Variants in IQGAP2 observed in about 807,000 individuals in gnomAD.
IQGAP2 encodes the protein IQ motif containing GTPase activating protein 2, also known as ras GTPase-activating-like protein IQGAP2.
IQGAP2 carries 173 observed loss-of-function variants against 201.3 expected under a neutral mutation model. That is an observed-to-expected ratio of 0.86 (90% confidence interval 0.76 to 0.98). The LOEUF (loss-of-function observed/expected upper bound fraction) is 0.98. IQGAP2 is among the 50% of genes least tolerant of loss of function. IQGAP2 has a pLI of 0.00. For missense variants in IQGAP2, 1,687 were observed against 1,864.8 expected, an observed-to-expected ratio of 0.90 and a Z score of 1.76; for synonymous variants, 675 against 673.9, an observed-to-expected ratio of 1.00 and a Z score of -0.03.
intron 23 of IQGAP2, 52 bp downstream of exon 23, chr5:76,668,896 A>G (rs774536436): frequency 8.6e-7 from 1 of 1,159,790 alleles, no homozygotes; most frequent in South Asian, 1.6e-5. Flanking sequence ...TCCTTTTGTT[A>G]GTGGTGGCTG....
At chr5:76,440,354 T>C (rs1469866650) in intron 1 of IQGAP2, among the ~76,000 whole-genome samples, 4 of 152,098 alleles carry the variant, frequency 2.6e-5, no homozygotes, top group African/African-American at 9.7e-5. Context: ...GTGAGATCCT[T>C]TCTCTTTTTA....
intron 10 of IQGAP2, among the ~76,000 whole-genome samples, chr5:76,600,411 A>C (rs1158072447): frequency 1.3e-5 from 2 of 152,162 alleles, no homozygotes; most frequent in Non-Finnish European, 2.9e-5. Context: ...CTTAACCCTT[A>C]ATTCAAACTG....
chr5:76,674,778 C>A, intron 27 of IQGAP2, 69 bp downstream of exon 27: 2 of 1,171,922 alleles, frequency 1.7e-6, no homozygotes, highest in Non-Finnish European at 2.5e-6. Context: ...TGCTCTGTGC[C>A]CAGAGCTAGA....
intron 3 of IQGAP2, among the ~76,000 whole-genome samples, chr5:76,568,754 G>A (rs1744913504): frequency 6.6e-6 from 1 of 152,208 alleles, no homozygotes; most frequent in African/African-American, 2.4e-5. Flanking sequence ...TCATCAGAAA[G>A]TGGGATCAAT....
chr5:76,490,117 C>G lies in IQGAP2; in HGVS notation c.146+28448C>G, dbSNP rs74368525. The stretch of plus-strand genomic sequence containing the variant: ...TGCTTTTCATTGAAATGTAAATTGC[C>G]TTATACCCGTTTTCATTCTTGCGGA... On this transcript the variant is annotated intron_variant, in intron 2 of 35. Coordinates refer to ENST00000274364, the MANE Select transcript of IQGAP2 (RefSeq NM_006633.5). Among the ~76,000 whole-genome samples, 627 of 152,292 alleles carry G rather than the reference C, an allele frequency of 4.1e-3. 9 individuals carry two copies. The East Asian group carries it at 0.051, about 12-fold the overall frequency.
intron 1 of IQGAP2, among the ~76,000 whole-genome samples, chr5:76,432,128 C>CTTTTTTTTTTTTTTTTTTTTTTTTTT (rs70982606): frequency 1.0e-5 from 1 of 95,300 alleles, no homozygotes; most frequent in Non-Finnish European, 2.0e-5. Context: ...TTTCTTTCTT[C>CTTTTTTTTTTTTTTTTTTTTTTTTTT]TTTTTTTTTT....
At chr5:76,410,308 T>C (rs889655447) in intron 1 of IQGAP2, among the ~76,000 whole-genome samples, 4 of 152,324 alleles carry the variant, frequency 2.6e-5, no homozygotes, top group Non-Finnish European at 5.9e-5. Context: ...TGGAATCTTC[T>C]ATTTATATAG....
chr5:76,683,778 G>T lies in IQGAP2; in HGVS notation c.3766G>T (p.Glu1256Ter). ...EVPTVESFLGEGAVDPNDPNK... is the reference protein window; with the variant it reads ...EVPTVESFLG ...AACACTAGGTTTTTTCCCTACAGGG[G>T]AAGGAGCAGTTGACCCCAATGACCC... Residue 1256 changes from glutamate to a stop codon, truncating the protein, a stop_gained and splice_region_variant, in exon 30 of 36, where the codon GAA (glutamate) becomes TAA (stop). Coordinates refer to ENST00000274364, the MANE Select transcript of IQGAP2 (RefSeq NM_006633.5). LOFTEE classifies it high-confidence loss of function. The T allele has an allele frequency of 6.2e-7, 1 of 1,609,134 alleles. No individual in the cohort carries two copies. The highest frequency in any genetic ancestry group is 8.5e-7 in the Non-Finnish European group (1 of 1,177,694).
chr5:76,656,424 G>A (rs1167782300), intron 20 of IQGAP2, among the ~76,000 whole-genome samples: 6 of 151,744 alleles, frequency 4.0e-5, no homozygotes, highest in Non-Finnish European at 8.8e-5. Context: ...CTTGTGGTCC[G>A]CCCGCCTCGG....
intron 7 of IQGAP2, 146 bp from the exon 8 acceptor site, chr5:76,590,262 T>C (rs1373740940): frequency 4.6e-6 from 3 of 646,064 alleles, no homozygotes; most frequent in Middle Eastern, 4.4e-4. Context: ...AGGTGCTCCA[T>C]AATATGTCTC....
chr5:76,560,758 T>G (rs1199717840), intron 2 of IQGAP2, among the ~76,000 whole-genome samples: 5 of 152,208 alleles, frequency 3.3e-5, no homozygotes, highest in African/African-American at 9.6e-5. Context: ...TTTAATGCTC[T>G]TTGAAGGCAA....
chr5:76,579,663 A>AT (rs902401808), intron 5 of IQGAP2, among the ~76,000 whole-genome samples: 62 of 150,326 alleles, frequency 4.1e-4, no homozygotes, highest in African/African-American at 8.5e-4. Flanking sequence ...CCTTTTAAAT[A>AT]TTTTTTTTTT....
At chr5:76,694,239 C>T (rs532937167) in intron 31 of IQGAP2, among the ~76,000 whole-genome samples, 1 of 151,896 alleles carries the variant, frequency 6.6e-6, no homozygotes, top group East Asian at 1.9e-4. Context: ...TCAACACCAG[C>T]CTGGACAACA....
At chr5:76,580,141 T>C (rs986274888) in intron 5 of IQGAP2, among the ~76,000 whole-genome samples, 1 of 152,030 alleles carries the variant, frequency 6.6e-6, no homozygotes, top group Non-Finnish European at 1.5e-5. Context: ...CCAGGTGTGG[T>C]GGCAGGTGCC....
intron 13 of IQGAP2, chr5:76,617,687 A>G: frequency 6.2e-7 from 1 of 1,614,078 alleles, no homozygotes. Context: ...AAGCTATGAG[A>G]TATATAAAAT....
At chr5:76,674,378 G>C in intron 26 of IQGAP2, 99 bp from the exon 27 acceptor site, 1 of 675,186 alleles carries the variant, frequency 1.5e-6, no homozygotes, top group Non-Finnish European at 2.5e-6. Flanking sequence ...CTTTCTCTTG[G>C]GAAATGTAGG....
rs749943435 is a variant in IQGAP2, at chr5:76,575,727, G to A, written c.416G>A (p.Arg139Gln). 99 of 1,592,610 alleles carry A rather than the reference G, an allele frequency of 6.2e-5. 1 individual carries two copies. The highest frequency in any genetic ancestry group is 1.7e-4 in the Middle Eastern group (1 of 6,014). The change falls in exon 5 of 36, where the codon CGG (arginine) becomes CAG (glutamine). Residue 139 changes from arginine (R) to glutamine (Q), a missense_variant. Physicochemically the swap from Arg to Gln is conservative, Grantham distance 43. Coordinates refer to ENST00000274364, the MANE Select transcript of IQGAP2 (RefSeq NM_006633.5). ...CCAGAAACAACAGATGTCTATGATC[G>A]GAAAAACATACCAAGAATGATATAT... ...FYPETTDVYDRKNIPRMIYCI... is the reference protein window; with the variant it reads ...FYPETTDVYDQKNIPRMIYCI...
In IQGAP2 at chr5:76,438,033, TTG is replaced by T. The variant is rs1234435800; in HGVS notation, c.47-23535_47-23534del. Among the ~76,000 whole-genome samples the T allele has an allele frequency of 4.0e-3, 141 of 35,132 alleles. 2 individuals carry two copies. Among genetic ancestry groups the T allele is most frequent in the Non-Finnish European group, 7.6e-3 (111 of 14,588 alleles). 23.0% of individuals were successfully genotyped at this position (35,132 alleles called of 152,430 possible). A position where few individuals can be genotyped will look rare whatever the true frequency, so the allele number is the denominator to read the frequency against. The stretch of plus-strand genomic sequence containing the variant: ...GTTTTTTTTTTTTTTTTTTTTTTGT[TTG>T]TTTTTTTTTTTGTTTTTTTATTATG... On this transcript the variant is annotated intron_variant, in intron 1 of 35. Transcript: ENST00000274364.
chr5:76,475,003 C>T (rs895641781), intron 2 of IQGAP2, among the ~76,000 whole-genome samples: 1 of 152,188 alleles, frequency 6.6e-6, no homozygotes, highest in Non-Finnish European at 1.5e-5. Flanking sequence ...TAAGCCACCG[C>T]GTCCGGCTGA....
Sources: allele counts gnomAD v4.1 joint callset (sites outside exome capture counted in the v4.1 genomes callset), GRCh38; gene constraint gnomAD v4.1.1; transcripts MANE v1.5; gene names NCBI Gene and HGNC (gene_info 2026-07-23, HGNC 2026-07-21).